OSTF1: variants seen among roughly 807,000 people sequenced by gnomAD.
OSTF1 encodes the protein osteoclast-stimulating factor 1.
OSTF1 carries 27 observed loss-of-function variants against 37.2 expected under a neutral mutation model. The ratio of observed to expected loss-of-function variants is 0.73; its 90% confidence interval spans 0.54 to 1.00. The LOEUF (loss-of-function observed/expected upper bound fraction) is 1.00, where lower values mean the gene tolerates loss of function less well. OSTF1 is among the 50% of genes least tolerant of loss of function. OSTF1 has a pLI of 0.00. For missense variants in OSTF1, 232 were observed against 253.8 expected (o/e 0.91, Z 0.58); for synonymous variants, 82 against 89.2 (o/e 0.92, Z 0.46).
At chr9:75,137,137 A>C (rs1233842378) in intron 7 of OSTF1, among the ~76,000 whole-genome samples, 1 of 152,174 alleles carries the variant, frequency 6.6e-6, no homozygotes, top group African/African-American at 2.4e-5. Context: ...CTGAGATTCT[A>C]CTTTTTATGA....
intron 1 of OSTF1, among the ~76,000 whole-genome samples, chr9:75,112,674 T>G (rs1825412620): frequency 6.6e-6 from 1 of 152,222 alleles, no homozygotes; most frequent in Admixed American, 6.5e-5. Flanking sequence ...AAAGATACAA[T>G]TACAAAAATC....
chr9:75,141,182 T>A (rs1201066456), intron 9 of OSTF1, among the ~76,000 whole-genome samples: 1 of 151,922 alleles, frequency 6.6e-6, no homozygotes, highest in East Asian at 1.9e-4. Context: ...GGGCCTGTAG[T>A]CCCAGCTACT....
At chr9:75,104,304 G>A (rs556518239) in intron 1 of OSTF1, among the ~76,000 whole-genome samples, 1 of 152,194 alleles carries the variant, frequency 6.6e-6, no homozygotes, top group African/African-American at 2.4e-5. Flanking sequence ...CAGGGCTTTG[G>A]AAGGACAAGG....
At chr9:75,130,844 G>A (rs145503630) in intron 4 of OSTF1, among the ~76,000 whole-genome samples, 6 of 152,246 alleles carry the variant, frequency 3.9e-5, no homozygotes, top group Admixed American at 2.0e-4. Context: ...CTAAGAGAAT[G>A]CATTTTAGCA....
chr9:75,146,270 T>G (rs556500398), intron 9 of OSTF1, among the ~76,000 whole-genome samples: 6 of 152,386 alleles, frequency 3.9e-5, no homozygotes, highest in Non-Finnish European at 7.3e-5. Flanking sequence ...TTCTTTCTTT[T>G]CCTTTTTCCC....
chr9:75,092,086 C>G (rs933550585), intron 1 of OSTF1, among the ~76,000 whole-genome samples: 8 of 152,124 alleles, frequency 5.3e-5, no homozygotes, highest in Non-Finnish European at 1.0e-4. Context: ...GTAGACAATA[C>G]TAAAAGGAAA....
At chr9:75,101,528 G>A (rs1055171839) in intron 1 of OSTF1, among the ~76,000 whole-genome samples, 8 of 152,098 alleles carry the variant, frequency 5.3e-5, no homozygotes, top group African/African-American at 1.7e-4. Flanking sequence ...ATGGACTTTT[G>A]TGGAGGCTCT....
At chr9:75,117,056 A>G (rs539885447) in intron 1 of OSTF1, among the ~76,000 whole-genome samples, 1 of 152,180 alleles carries the variant, frequency 6.6e-6, no homozygotes, top group Non-Finnish European at 1.5e-5. Flanking sequence ...ATATATAATG[A>G]TATGTTTTTA....
chr9:75,140,976 T>C (rs776142183), intron 9 of OSTF1, 44 bp downstream of exon 9: 9 of 1,331,838 alleles, frequency 6.8e-6, no homozygotes, highest in South Asian at 5.9e-5. Flanking sequence ...GCCCCATAAC[T>C]AAGATTTATT....
chr9:75,093,411 A>G (rs1825017606), intron 1 of OSTF1, among the ~76,000 whole-genome samples: 2 of 152,222 alleles, frequency 1.3e-5, no homozygotes, highest in African/African-American at 4.8e-5. Context: ...GGGCCAAAGG[A>G]TACTGAATGA....
At chr9:75,114,717 C>T (rs1220805537) in intron 1 of OSTF1, among the ~76,000 whole-genome samples, 2 of 152,038 alleles carry the variant, frequency 1.3e-5, no homozygotes, top group African/African-American at 4.8e-5. Flanking sequence ...CCAAGCCTGG[C>T]TAATTTTTGT....
intron 1 of OSTF1, among the ~76,000 whole-genome samples, chr9:75,105,017 A>G (rs1275269367): frequency 2.0e-5 from 3 of 152,208 alleles, no homozygotes; most frequent in East Asian, 3.8e-4. Context: ...AGTACTTTGC[A>G]TGGTGTCTGG....
intron 1 of OSTF1, among the ~76,000 whole-genome samples, chr9:75,089,056 A>G (rs182752198): frequency 6.6e-6 from 1 of 152,130 alleles, no homozygotes; most frequent in African/African-American, 2.4e-5. Flanking sequence ...AGGGCCATTG[A>G]TCTCCCTTTA....
intron 9 of OSTF1, among the ~76,000 whole-genome samples, chr9:75,145,526 A>G (rs1043455258): frequency 6.6e-6 from 1 of 152,226 alleles, no homozygotes; most frequent in Non-Finnish European, 1.5e-5. Context: ...TTCTAATTAA[A>G]TCACTTCTTT....
At chr9:75,098,556 C>T (rs895063244) in intron 1 of OSTF1, among the ~76,000 whole-genome samples, 2 of 152,092 alleles carry the variant, frequency 1.3e-5, no homozygotes, top group Non-Finnish European at 2.9e-5. Flanking sequence ...GAATGGCCAT[C>T]GAGATACTGA....
intron 1 of OSTF1, among the ~76,000 whole-genome samples, chr9:75,104,007 C>G (rs1023056769): frequency 6.6e-6 from 1 of 151,980 alleles, no homozygotes; most frequent in East Asian, 1.9e-4. Context: ...GTGGGTAGAT[C>G]GCTTGAAGTC....
At chr9:75,120,778 C>T (rs1468369153) in intron 2 of OSTF1, among the ~76,000 whole-genome samples, 1 of 152,236 alleles carries the variant, frequency 6.6e-6, no homozygotes, top group Non-Finnish European at 1.5e-5. Flanking sequence ...AGTCCAGCCC[C>T]TATTCCAGCC....
At chr9:75,107,232 A>G (rs993656537) in intron 1 of OSTF1, among the ~76,000 whole-genome samples, 3 of 152,100 alleles carry the variant, frequency 2.0e-5, no homozygotes, top group Non-Finnish European at 4.4e-5. Context: ...TCAACAGAAA[A>G]CATCCTGTTT....
chr9:75,132,333 C>T (rs1489326390), intron 5 of OSTF1, among the ~76,000 whole-genome samples: 3 of 152,034 alleles, frequency 2.0e-5, no homozygotes, highest in Non-Finnish European at 4.4e-5. Context: ...GGGGAAGATC[C>T]TTGACCAAAC....
Sources: gnomAD v4.1 joint callset for allele counts (sites outside exome capture counted in the v4.1 genomes callset) on GRCh38, gnomAD v4.1.1 for gene constraint, MANE v1.5 for transcripts, NCBI Gene and HGNC (gene_info 2026-07-23, HGNC 2026-07-21) for gene names.